ACER3: variants seen among roughly 807,000 people sequenced by gnomAD.
ACER3 encodes the protein alkaline ceramidase 3.
A neutral mutation model predicts 48.9 loss-of-function variants in ACER3; 16 were observed. The ratio of observed to expected loss-of-function variants is 0.33; its 90% CI spans 0.22 to 0.50. The LOEUF (loss-of-function observed/expected upper bound fraction) is 0.50. Ranked by LOEUF, ACER3 falls within the 20% of genes least tolerant of loss-of-function variation. The pLI, the probability that ACER3 is intolerant of heterozygous loss-of-function variation, is 0.98. For synonymous variants in ACER3, 109 were observed against 107.8 expected (o/e 1.01, Z -0.07); for missense variants, 227 against 326.0 (o/e 0.70, Z 2.34).
chr11:76,983,479 C>A (rs762234481), intron 4 of ACER3, among the ~76,000 whole-genome samples: 5 of 152,092 alleles, frequency 3.3e-5, no homozygotes, highest in African/African-American at 4.8e-5. Flanking sequence ...CCATGCCCAG[C>A]TAATTTTTGA....
intron 3 of ACER3, among the ~76,000 whole-genome samples, chr11:76,969,236 C>CACAATGAG (rs2135113013): frequency 6.6e-6 from 1 of 152,202 alleles, no homozygotes; most frequent in Non-Finnish European, 1.5e-5. Context: ...AATTCAAAAC[C>CACAATGAG]ACAATGAGAT....
chr11:76,901,560 GA>G (rs1203584714), intron 1 of ACER3, among the ~76,000 whole-genome samples: 5 of 152,298 alleles, frequency 3.3e-5, no homozygotes, highest in Admixed American at 1.3e-4. Context: ...GTTAAAGAAG[GA>G]AGGGGTTTAT....
At chr11:76,888,384 A>G (rs1945725034) in intron 1 of ACER3, among the ~76,000 whole-genome samples, 1 of 152,176 alleles carries the variant, frequency 6.6e-6, no homozygotes, top group African/African-American at 2.4e-5. Context: ...TACTTTCAGT[A>G]ATTATATTAC....
At chr11:76,876,672 A>G (rs1945392294) in intron 1 of ACER3, among the ~76,000 whole-genome samples, 1 of 152,204 alleles carries the variant, frequency 6.6e-6, no homozygotes, top group Non-Finnish European at 1.5e-5. Context: ...CACACAGAGC[A>G]TTTGATCCAC....
intron 7 of ACER3, among the ~76,000 whole-genome samples, chr11:77,008,227 C>T (rs1453406832): frequency 6.6e-6 from 1 of 152,076 alleles, no homozygotes; most frequent in Non-Finnish European, 1.5e-5. Context: ...CTTAGTGGAA[C>T]GAATATGAAA....
rs567516591 is a variant in ACER3, at chr11:77,021,812, C to G, written c.*1485C>G. 6 of 152,174 alleles carry G rather than the reference C, an allele frequency of 3.9e-5. No homozygotes were observed. The highest frequency in any genetic ancestry group is 8.8e-5 in the Non-Finnish European group (6 of 68,022). The allele number at this position is 152,174 out of a possible 1,614,324, so 9.4% of individuals were successfully genotyped here. Reference sequence around the variant, plus strand: ...CTATTCTGTTGTTTTTCTTCACCTACTAGCCTTAGTTTTTAACCAAGTATC... The same window carrying G: ...CTATTCTGTTGTTTTTCTTCACCTAGTAGCCTTAGTTTTTAACCAAGTATC... On this transcript the variant is annotated 3_prime_UTR_variant, in exon 11 of 11. Transcript: ENST00000532485.
rs1236439455 is a variant in ACER3, at chr11:77,021,629, A to G, written c.*1302A>G. ...CTTTATATAAATTATTGTAAAATCCAGATTGTTTTTACCACATGATGACGT... is the reference window on the plus strand; with the variant it reads ...CTTTATATAAATTATTGTAAAATCCGGATTGTTTTTACCACATGATGACGT... On this transcript the variant is annotated 3_prime_UTR_variant, in exon 11 of 11. Transcript: ENST00000532485. The G allele has an allele frequency of 1.3e-5, 2 of 152,176 alleles. No individual in the cohort carries two copies. Among genetic ancestry groups the G allele is most frequent in the Non-Finnish European group, 2.9e-5 (2 of 68,034 alleles). 9.4% of individuals were successfully genotyped at this position (152,176 alleles called of 1,614,324 possible).
rs1949519236 is a variant in ACER3, at chr11:77,024,297, A to AAAAAAAAAAAAAAAAAC, written c.*3974_*3975insAAAAAAAAAAAACAAAA. The AAAAAAAAAAAAAAAAAC allele has an allele frequency of 6.9e-6, 1 of 145,226 alleles. No homozygotes were observed. Among genetic ancestry groups the AAAAAAAAAAAAAAAAAC allele is most frequent in the Non-Finnish European group, 1.5e-5 (1 of 66,748 alleles). 9.0% of individuals were successfully genotyped at this position (145,226 alleles called of 1,614,324 possible). A position where few individuals can be genotyped will look rare whatever the true frequency, so the allele number is the denominator to read the frequency against. ...CAAAAAAAAAAAAAAAAAAAAAAAAAAAAAGAATTAGGAAATACTTGTTAA... is the reference window on the plus strand; with the variant it reads ...CAAAAAAAAAAAAAAAAAAAAAAAAAAAAAAAAAAAAAAAAACAAAAGAATTAGGAAATACTTGTTAA... On this transcript the variant is annotated 3_prime_UTR_variant, in exon 11 of 11. Transcript: ENST00000532485.
rs1382077630 is a variant in ACER3 at position 77,025,959 on chromosome 11, C to T, written c.*5632C>T. On this transcript the variant is annotated 3_prime_UTR_variant, in exon 11 of 11. Transcript: ENST00000532485. ...GACATCTCATGTCTTTGAATGTAAT[C>T]ACATGATTTGTATTTAATATTTACA... 4 of 152,178 alleles carry T rather than the reference C, an allele frequency of 2.6e-5. No homozygotes were observed. Among genetic ancestry groups the T allele is most frequent in the African/African-American group, 9.7e-5 (4 of 41,450 alleles). 9.4% of individuals were successfully genotyped at this position (152,178 alleles called of 1,614,324 possible). A position where few individuals can be genotyped will look rare whatever the true frequency, so the allele number is the denominator to read the frequency against.
intron 2 of ACER3, among the ~76,000 whole-genome samples, chr11:76,949,318 C>A (rs1401283760): frequency 6.6e-6 from 1 of 152,128 alleles, no homozygotes; most frequent in African/African-American, 2.4e-5. Context: ...TTGGACATGA[C>A]CATATGGGGA....
chr11:76,990,603 G>C, intron 6 of ACER3, 29 bp downstream of exon 6: 1 of 1,310,690 alleles, frequency 7.6e-7, no homozygotes, highest in Non-Finnish European at 1.1e-6. Context: ...TTACACATTA[G>C]ATTGTTTACG....
At chr11:76,978,239 G>T (rs927490026) in intron 4 of ACER3, among the ~76,000 whole-genome samples, 1 of 152,208 alleles carries the variant, frequency 6.6e-6, no homozygotes, top group African/African-American at 2.4e-5. Context: ...GGGCCAGGCT[G>T]TCATTTCCGG....
At chr11:76,958,309 C>T (rs934506555) in intron 2 of ACER3, among the ~76,000 whole-genome samples, 2 of 151,324 alleles carry the variant, frequency 1.3e-5, no homozygotes, top group Admixed American at 6.6e-5. Flanking sequence ...GCCTCAGCCT[C>T]CCGAGTAGCT....
chr11:76,926,412 A>AT, intron 1 of ACER3, 145 bp from the exon 2 acceptor site: 13 of 449,970 alleles, frequency 2.9e-5, no homozygotes, highest in Middle Eastern at 5.2e-4. Context: ...TGAGTACAGA[A>AT]TTTTTTTTCA....
chr11:76,894,665 A>G (rs888391393), intron 1 of ACER3, among the ~76,000 whole-genome samples: 5 of 152,346 alleles, frequency 3.3e-5, no homozygotes, highest in Admixed American at 2.0e-4. Flanking sequence ...TGACAAGAAT[A>G]TGAGCTGGGC....
Position 76,934,204 on chromosome 11 carries a change from C to G in ACER3, c.214+7537C>G, listed in dbSNP as rs867642482. ...GCAGAGACGCTCCTCACTTTCCAGA[C>G]TGGGCAGCCAGGCAGAGGGGCTCCT... On this transcript the variant is annotated intron_variant, in intron 2 of 10. Coordinates refer to ENST00000532485, the MANE Select transcript of ACER3 (RefSeq NM_018367.7). Among the ~76,000 whole-genome samples the G allele has an allele frequency of 1.5e-3, 223 of 151,562 alleles. 1 individual carries two copies. The Middle Eastern group carries it at 0.027, about 18-fold the overall frequency.
chr11:76,874,105 G>T (rs1945308518), intron 1 of ACER3, among the ~76,000 whole-genome samples: 1 of 152,118 alleles, frequency 6.6e-6, no homozygotes, highest in Non-Finnish European at 1.5e-5. Context: ...TTTTATGGTT[G>T]CATGAAAGTC....
chr11:77,012,418 A>AG (rs1949286638), intron 7 of ACER3, among the ~76,000 whole-genome samples: 3 of 142,576 alleles, frequency 2.1e-5, no homozygotes, highest in Admixed American at 1.4e-4. Context: ...CTCCATCTCA[A>AG]AAAAAAAAAA....
intron 10 of ACER3, 129 bp downstream of exon 10, chr11:77,019,905 G>A (rs1319990918): frequency 3.2e-6 from 3 of 937,528 alleles, no homozygotes; most frequent in African/African-American, 3.3e-5. Flanking sequence ...ACCAAAGGCT[G>A]TGAATCTTTC....
Sources: gnomAD v4.1 joint callset for allele counts (sites outside exome capture counted in the v4.1 genomes callset) on GRCh38, gnomAD v4.1.1 for gene constraint, MANE v1.5 for transcripts, NCBI Gene and HGNC (gene_info 2026-07-23, HGNC 2026-07-21) for gene names.